UBE2N: variants seen among roughly 807,000 people sequenced by gnomAD.
UBE2N encodes the protein ubiquitin-conjugating enzyme E2 N.
For synonymous variants in UBE2N, 70 were observed against 69.2 expected (o/e 1.01, Z -0.06); for missense variants, 60 against 192.1 (o/e 0.31, Z 4.07).
chr12:93,441,803 G>T (rs370768794), intron 1 of UBE2N, 52 bp downstream of exon 1: 444 of 1,572,256 alleles, frequency 2.8e-4, no homozygotes, highest in Middle Eastern at 1.8e-4. Context: ...TGCCTGCCCA[G>T]CTGAGCCGAC....
intron 1 of UBE2N, among the ~76,000 whole-genome samples, chr12:93,427,063 G>A (rs1878616270): frequency 6.6e-6 from 1 of 152,132 alleles, no homozygotes; most frequent in Non-Finnish European, 1.5e-5. Context: ...GGGATTACAG[G>A]CGTGTGCCAC....
chr12:93,433,873 CAGGTAAACTATCCTATAAGGT>C (rs773957398), intron 1 of UBE2N, among the ~76,000 whole-genome samples: 6 of 152,174 alleles, frequency 3.9e-5, no homozygotes, highest in Non-Finnish European at 2.9e-5. Context: ...TCCATTTACA[CAGGTAAACTATCCTATAAGGT>C]ATAGGGAAAA....
chr12:93,434,557 A>C (rs1394336416), intron 1 of UBE2N, among the ~76,000 whole-genome samples: 2 of 152,214 alleles, frequency 1.3e-5, no homozygotes, highest in Non-Finnish European at 2.9e-5. Context: ...CTCACATTTC[A>C]TAATCAAAAC....
At chr12:93,413,083 A>C (rs1878079593) in intron 1 of UBE2N, among the ~76,000 whole-genome samples, 1 of 152,162 alleles carries the variant, frequency 6.6e-6, no homozygotes, top group African/African-American at 2.4e-5. Flanking sequence ...CATACCCTCC[A>C]ATCAAGCTGT....
chr12:93,432,575 T>C (rs1878804090), intron 1 of UBE2N, among the ~76,000 whole-genome samples: 1 of 152,066 alleles, frequency 6.6e-6, no homozygotes, highest in Non-Finnish European at 1.5e-5. Flanking sequence ...AAATCACCAA[T>C]GGTTTCATGA....
chr12:93,411,350 C>T, intron 1 of UBE2N, 51 bp from the exon 2 acceptor site: 1 of 1,542,428 alleles, frequency 6.5e-7, no homozygotes, highest in Non-Finnish European at 8.7e-7. Context: ...TTTTGCTAGA[C>T]ACCAAAAGTA....
At chr12:93,436,118 T>C (rs1878927325) in intron 1 of UBE2N, among the ~76,000 whole-genome samples, 1 of 152,098 alleles carries the variant, frequency 6.6e-6, no homozygotes, top group Non-Finnish European at 1.5e-5. Context: ...TATTACTATT[T>C]TGAGACAGGG....
intron 1 of UBE2N, among the ~76,000 whole-genome samples, chr12:93,416,619 A>C (rs1305778629): frequency 6.6e-6 from 1 of 152,122 alleles, no homozygotes; most frequent in Admixed American, 6.5e-5. Flanking sequence ...GCAGGTCTCG[A>C]ACTCCTGACT....
chr12:93,439,585 G>C (rs1879040153), intron 1 of UBE2N, among the ~76,000 whole-genome samples: 1 of 152,168 alleles, frequency 6.6e-6, no homozygotes, highest in Non-Finnish European at 1.5e-5. Context: ...GGACAATACC[G>C]TTACCCCCAT....
intron 1 of UBE2N, chr12:93,429,189 G>A (rs947260967): frequency 6.2e-6 from 2 of 324,156 alleles, no homozygotes; most frequent in Non-Finnish European, 1.2e-5. Flanking sequence ...AGAGCTGCTT[G>A]AACCCAGGAG....
At chr12:93,414,448 CAAAAAA>C (rs398020640) in intron 1 of UBE2N, among the ~76,000 whole-genome samples, 50 of 73,990 alleles carry the variant, frequency 6.8e-4, no homozygotes, top group African/African-American at 1.6e-3. Context: ...AGCTCCGTCT[CAAAAAA>C]AAAAAAAAAA....
chr12:93,417,760 C>T (rs1339671185), intron 1 of UBE2N, among the ~76,000 whole-genome samples: 1 of 152,090 alleles, frequency 6.6e-6, no homozygotes, highest in African/African-American at 2.4e-5. Flanking sequence ...TAAACTCCAA[C>T]CTGTCACTAC....
chr12:93,426,738 T>G (rs1032699963), intron 1 of UBE2N, among the ~76,000 whole-genome samples: 4 of 152,156 alleles, frequency 2.6e-5, no homozygotes, highest in Non-Finnish European at 5.9e-5. Flanking sequence ...CTCACTTTCC[T>G]TCTACACTTT....
rs568673622 is a variant in UBE2N at position 93,431,431 on chromosome 12, A to T, written c.30+10424T>A. Among the ~76,000 whole-genome samples the T allele has an allele frequency of 1.9e-3, 290 of 152,342 alleles. 1 individual carries two copies. The highest frequency in any genetic ancestry group is 3.1e-3 in the Non-Finnish European group (214 of 68,026). Reference sequence around the variant, plus strand: ...TACAGAATCAGACCACCTGGGTTCAAATCATAGCTCTAGAAACTAATAAGT... The same window carrying T: ...TACAGAATCAGACCACCTGGGTTCATATCATAGCTCTAGAAACTAATAAGT... On this transcript the variant is annotated intron_variant, in intron 1 of 3. Transcript: ENST00000318066.
chr12:93,441,801 C>T, intron 1 of UBE2N, 54 bp downstream of exon 1: 3 of 1,571,880 alleles, frequency 1.9e-6, no homozygotes, highest in Non-Finnish European at 2.6e-6. Context: ...GCTGCCTGCC[C>T]AGCTGAGCCG....
intron 1 of UBE2N, among the ~76,000 whole-genome samples, chr12:93,417,022 TAGAA>T (rs1200317351): frequency 1.3e-5 from 2 of 152,142 alleles, no homozygotes; most frequent in African/African-American, 4.8e-5. Flanking sequence ...CCATGCATAA[TAGAA>T]AGCACTGTAG....
chr12:93,440,952 G>A (rs1457247314), intron 1 of UBE2N, among the ~76,000 whole-genome samples: 1 of 152,146 alleles, frequency 6.6e-6, no homozygotes, highest in African/African-American at 2.4e-5. Context: ...CCCCACAGAG[G>A]CCAAGGTAGG....
intron 1 of UBE2N, among the ~76,000 whole-genome samples, chr12:93,428,544 GC>G (rs1424455641): frequency 2.0e-5 from 3 of 152,138 alleles, no homozygotes; most frequent in African/African-American, 7.2e-5. Context: ...ACAAAGCAGT[GC>G]TAGCTGTATG....
intron 1 of UBE2N, among the ~76,000 whole-genome samples, chr12:93,420,351 A>C (rs1208128524): frequency 6.6e-6 from 1 of 152,176 alleles, no homozygotes; most frequent in Non-Finnish European, 1.5e-5. Flanking sequence ...ATTTCTGTGA[A>C]GCTCAGTGAA....
Sources: allele counts gnomAD v4.1 joint callset (sites outside exome capture counted in the v4.1 genomes callset), GRCh38; gene constraint gnomAD v4.1.1; transcripts MANE v1.5; gene names NCBI Gene and HGNC (gene_info 2026-07-23, HGNC 2026-07-21).